Variants in C10orf143 observed in about 807,000 individuals in gnomAD.
C10orf143 encodes chromosome 10 open reading frame 143.
downstream of C10orf143, among the ~76,000 whole-genome samples, chr10:130,060,625 C>T (rs532839277): frequency 1.8e-3 from 263 of 147,006 alleles, 4 homozygotes; most frequent in South Asian, 0.02. Context: ...AGATCGAGAC[C>T]ATCCTGGCTA....
intron 1 of C10orf143, among the ~76,000 whole-genome samples, chr10:130,109,234 G>GAAGT (rs1861717630): frequency 2.0e-5 from 3 of 152,222 alleles, no homozygotes; most frequent in Admixed American, 2.0e-4. Flanking sequence ...CCAGGGCAGT[G>GAAGT]AAGTAAGGTC....
intron 3 of C10orf143, among the ~76,000 whole-genome samples, chr10:130,053,382 G>C (rs1420596139): frequency 6.6e-6 from 1 of 152,182 alleles, no homozygotes; most frequent in Non-Finnish European, 1.5e-5. Flanking sequence ...AAGTTGCTAA[G>C]TTTTTATACT....
At chr10:130,036,522 C>T (rs1860546804) in intron 3 of C10orf143, among the ~76,000 whole-genome samples, 1 of 152,328 alleles carries the variant, frequency 6.6e-6, no homozygotes, top group African/African-American at 2.4e-5. Context: ...GTCCCCAGAA[C>T]ACCCTGGGCT....
At chr10:130,094,899 A>T (rs528093722) in intron 1 of C10orf143, among the ~76,000 whole-genome samples, 1 of 152,208 alleles carries the variant, frequency 6.6e-6, no homozygotes, top group Admixed American at 6.5e-5. Context: ...AAAGAAAGAA[A>T]TAAAGGTATT....
chr10:130,070,554 A>G (rs1171748), intron 3 of C10orf143, among the ~76,000 whole-genome samples: 96,079 of 151,960 alleles, frequency 0.63, 30,763 homozygotes, highest in Admixed American at 0.72. Context: ...GATACATCAC[A>G]CCCAAGACTC....
chr10:130,065,064 A>T lies in C10orf143; in HGVS notation c.298-681T>A, dbSNP rs555521558. 6.6e-6 allele frequency: 1 copy of T among 152,502 alleles called. No homozygotes were observed. The highest frequency in any genetic ancestry group is 1.9e-4 in the East Asian group (1 of 5,186). The allele number at this position is 152,502 out of a possible 1,614,324, so 9.4% of individuals were successfully genotyped here. A position where few individuals can be genotyped will look rare whatever the true frequency, so the allele number is the denominator to read the frequency against. On this transcript the variant is annotated intron_variant, in intron 3 of 3. Coordinates refer to ENST00000637128, the MANE Select transcript of C10orf143 (RefSeq NM_001355042.2). This position sits in a 1 kb window ranked among gnomAD's most constrained non-coding sequence, Gnocchi z 4.2. ...CTCCCTGTCCTGAAAGGACTCCACC[A>T]TCAGGGCAACAGGCTCCTGAGCTGG...
downstream of C10orf143, among the ~76,000 whole-genome samples, chr10:130,062,566 C>T (rs927875080): frequency 1.3e-5 from 2 of 152,170 alleles, no homozygotes; most frequent in Non-Finnish European, 2.9e-5. Context: ...GGACTTACAC[C>T]AGTGGTTTGC....
At chr10:130,107,021 A>C in intron 1 of C10orf143, 1 of 1,218,022 alleles carries the variant, frequency 8.2e-7, no homozygotes, top group Non-Finnish European at 1.2e-6. Flanking sequence ...TTCTTTAAAA[A>C]CCTTAGAAGG....
chr10:130,089,476 T>C (rs1230486878), intron 1 of C10orf143, among the ~76,000 whole-genome samples: 1 of 151,012 alleles, frequency 6.6e-6, no homozygotes, highest in Admixed American at 6.6e-5. Flanking sequence ...GAAAAAGAAG[T>C]AAAAAAAAAC....
chr10:130,109,871 CG>C (rs1454913895), intron 1 of C10orf143, among the ~76,000 whole-genome samples: 1 of 151,904 alleles, frequency 6.6e-6, no homozygotes, highest in African/African-American at 2.4e-5. Flanking sequence ...AGCAAATATG[CG>C]GTATGTTGGC....
chr10:130,078,020 AG>A (rs2134765473), intron 3 of C10orf143, among the ~76,000 whole-genome samples: 1 of 152,354 alleles, frequency 6.6e-6, no homozygotes, highest in East Asian at 1.9e-4. Context: ...AAGAATATTG[AG>A]TATTAACAAA....
intron 1 of C10orf143, among the ~76,000 whole-genome samples, chr10:130,101,442 G>A (rs1483871647): frequency 2.0e-5 from 3 of 152,028 alleles, no homozygotes; most frequent in Non-Finnish European, 2.9e-5. Flanking sequence ...AGAGAGGGTG[G>A]CTGCAGCTCT....
chr10:130,071,079 C>A (rs960241010), intron 3 of C10orf143, among the ~76,000 whole-genome samples: 3 of 152,184 alleles, frequency 2.0e-5, no homozygotes, highest in Admixed American at 2.0e-4. Flanking sequence ...CCATGCCTAG[C>A]TAATGTTTTT....
intron 3 of C10orf143, among the ~76,000 whole-genome samples, chr10:130,076,265 T>C (rs1861116225): frequency 6.6e-6 from 1 of 152,158 alleles, no homozygotes; most frequent in African/African-American, 2.4e-5. Flanking sequence ...AGCTATGTAC[T>C]GCGGGAGGGC....
intron 3 of C10orf143, among the ~76,000 whole-genome samples, chr10:130,071,301 G>C (rs1861029095): frequency 6.6e-6 from 1 of 152,136 alleles, no homozygotes; most frequent in Non-Finnish European, 1.5e-5. Context: ...TGGCTTCTGA[G>C]GAAGTGAACA....
At chr10:130,071,072 T>C (rs1861025067) in intron 3 of C10orf143, among the ~76,000 whole-genome samples, 1 of 152,162 alleles carries the variant, frequency 6.6e-6, no homozygotes, top group African/African-American at 2.4e-5. Flanking sequence ...TGCGCCACCA[T>C]GCCTAGCTAA....
intron 1 of C10orf143, among the ~76,000 whole-genome samples, chr10:130,091,643 C>A (rs919912872): frequency 6.6e-6 from 1 of 152,098 alleles, no homozygotes; most frequent in South Asian, 2.1e-4. Flanking sequence ...ATGTTTTAAC[C>A]CAATGTAAGG....
chr10:130,048,431 G>C (rs918477080), intron 3 of C10orf143, among the ~76,000 whole-genome samples: 1 of 152,120 alleles, frequency 6.6e-6, no homozygotes, highest in African/African-American at 2.4e-5. Flanking sequence ...TCATTACCTA[G>C]CCTGTGACTG....
intron 3 of C10orf143, among the ~76,000 whole-genome samples, chr10:130,069,116 C>T (rs1765141693): frequency 6.6e-6 from 1 of 152,174 alleles, no homozygotes; most frequent in African/African-American, 2.4e-5. Context: ...ACAAAGTGAT[C>T]TAGAACCAAA....
Sources: gnomAD v4.1 joint callset for allele counts (sites outside exome capture counted in the v4.1 genomes callset) on GRCh38, gnomAD v4.1.1 for gene constraint, Gnocchi (gnomAD v3.1) non-coding constraint, MANE v1.5 for transcripts, NCBI Gene and HGNC (gene_info 2026-07-23, HGNC 2026-07-21) for gene names.